Variants in GRM5 observed in about 807,000 individuals in gnomAD.
The protein encoded by GRM5 is metabotropic glutamate receptor 5.
GRM5 carries 19 observed loss-of-function variants against 83.1 expected under a neutral mutation model. The observed-to-expected ratio is 0.23, with a 90% confidence interval of 0.16 to 0.34. The LOEUF is 0.34. GRM5 is among the 10% of genes least tolerant of loss of function. The probability of loss-of-function intolerance (pLI) is 1.00; values close to 1 mark genes in which losing one functional copy is unlikely to be tolerated. For synonymous variants in GRM5, 675 were observed against 633.6 expected (o/e 1.07, Z -0.98); for missense variants, 1,160 against 1,588.3 (o/e 0.73, Z 4.58).
intron 4 of GRM5, among the ~76,000 whole-genome samples, chr11:88,634,944 TG>T (rs1487448094): frequency 1.3e-5 from 2 of 152,318 alleles, no homozygotes; most frequent in East Asian, 3.9e-4. Context: ...TTGTTGTATA[TG>T]TGGACCATCG....
chr11:88,837,191 A>G (rs1318016421), intron 3 of GRM5, among the ~76,000 whole-genome samples: 1 of 152,218 alleles, frequency 6.6e-6, no homozygotes, highest in Non-Finnish European at 1.5e-5. Context: ...AAATAGAGAA[A>G]AACATATTAT....
At chr11:88,525,013 C>T (rs745876245) in intron 9 of GRM5, among the ~76,000 whole-genome samples, 6 of 152,122 alleles carry the variant, frequency 3.9e-5, no homozygotes, top group Non-Finnish European at 7.4e-5. Context: ...ACTCCAGAAC[C>T]GTTTGACCAA....
intron 2 of GRM5, among the ~76,000 whole-genome samples, chr11:89,037,438 A>T (rs1375807526): frequency 2.0e-5 from 3 of 152,024 alleles, no homozygotes; most frequent in Non-Finnish European, 4.4e-5. Flanking sequence ...ATAATTGTTC[A>T]ATGAGTAACC....
chr11:88,508,614 G>T lies in GRM5; in HGVS notation c.3617C>A (p.Thr1206Asn), dbSNP rs200293788. ...CATTCACAACGACGAGGAGCTCTGA[G>T]TGTAATCTCTTATGATAAGAGTGTC... ...KYDTLIIRDYTQSSSSL is the reference protein window; with the variant it reads ...KYDTLIIRDYNQSSSSL Residue 1206 changes from threonine to asparagine, a missense_variant, in exon 10 of 10, where the codon ACT (threonine) becomes AAT (asparagine). Physicochemically the swap from Thr to Asn is moderately conservative, Grantham distance 65. Transcript: ENST00000305447. This position sits in a 1 kb window ranked among gnomAD's most constrained non-coding sequence, Gnocchi z 4.2. 4.3e-6 allele frequency: 7 copies of T among 1,609,458 alleles called. No homozygotes were observed. The highest frequency in any genetic ancestry group is 5.9e-6 in the Non-Finnish European group (7 of 1,177,952).
rs73541423 is a variant in GRM5 at position 88,821,286 on chromosome 11, T to C, written c.911+28620A>G. On this transcript the variant is annotated intron_variant, in intron 3 of 9. Coordinates refer to ENST00000305447, the MANE Select transcript of GRM5 (RefSeq NM_001143831.3). ...GGCCTCCTGTTTTCTATTAAAAGGG[T>C]TGATCGTAACTCCCTTATTTTTTGT... Among the ~76,000 whole-genome samples the C allele has an allele frequency of 5.0e-3, 756 of 149,706 alleles. 13 individuals are homozygous for C. The highest frequency in any genetic ancestry group is 0.018 in the African/African-American group (732 of 40,620).
chr11:88,892,475 T>C (rs1945162174), intron 2 of GRM5, among the ~76,000 whole-genome samples: 2 of 152,040 alleles, frequency 1.3e-5, no homozygotes, highest in Non-Finnish European at 2.9e-5. Context: ...TGAGATTCCT[T>C]ATGGAACAGA....
intron 2 of GRM5, among the ~76,000 whole-genome samples, chr11:88,970,238 C>T (rs1591007087): frequency 6.6e-6 from 1 of 152,022 alleles, no homozygotes; most frequent in Non-Finnish European, 1.5e-5. Context: ...TAAATGGATG[C>T]TTTTTTCTCA....
At chr11:88,813,553 C>A (rs1943620448) in intron 3 of GRM5, among the ~76,000 whole-genome samples, 1 of 152,122 alleles carries the variant, frequency 6.6e-6, no homozygotes, top group South Asian at 2.1e-4. Flanking sequence ...GGAATGACTT[C>A]TAGTTTTCCC....
chr11:88,695,464 T>C (rs191335648), intron 3 of GRM5, among the ~76,000 whole-genome samples: 1 of 152,342 alleles, frequency 6.6e-6, no homozygotes, highest in Admixed American at 6.5e-5. Flanking sequence ...ACTTACTGCT[T>C]TGAATGGCCT....
intron 2 of GRM5, among the ~76,000 whole-genome samples, chr11:88,962,259 G>T (rs905208039): frequency 9.2e-5 from 14 of 151,972 alleles, no homozygotes; most frequent in Non-Finnish European, 2.1e-4. Flanking sequence ...TAATAATTTA[G>T]CCATCCACCC....
At chr11:88,558,799 C>CAAAAAAAAA (rs71265014) in intron 8 of GRM5, among the ~76,000 whole-genome samples, 2 of 21,918 alleles carry the variant, frequency 9.1e-5, no homozygotes, top group Non-Finnish European at 2.0e-4. Flanking sequence ...GACTCCATCT[C>CAAAAAAAAA]AAAAAAAAAA....
intron 9 of GRM5, among the ~76,000 whole-genome samples, chr11:88,511,230 C>T (rs1269756080): frequency 6.6e-6 from 1 of 152,178 alleles, no homozygotes; most frequent in African/African-American, 2.4e-5. Flanking sequence ...AAATCCCCAT[C>T]ACTCCCCTTG....
intron 3 of GRM5, among the ~76,000 whole-genome samples, chr11:88,818,143 TA>T (rs1198928557): frequency 6.6e-6 from 1 of 151,830 alleles, no homozygotes; most frequent in Non-Finnish European, 1.5e-5. Context: ...AAAGAAAAAA[TA>T]AAAATGAATG....
In GRM5 at chr11:88,570,458, C is replaced by T. The variant is rs376821436; in HGVS notation, c.1691-2466G>A. On this transcript the variant is annotated intron_variant, in intron 7 of 9. Transcript: ENST00000305447. Reference sequence around the variant, plus strand: ...ATGTGCTTCCTATATAGTTGGAATTCAACCTCTGATACTTTAGTATGCCAT... The same window carrying T: ...ATGTGCTTCCTATATAGTTGGAATTTAACCTCTGATACTTTAGTATGCCAT... 1.4e-4 allele frequency among the ~76,000 whole-genome samples: 21 copies of T among 147,762 alleles called. No homozygotes were observed. In the East Asian group the frequency reaches 3.9e-3, roughly 28 times the overall value.
intron 2 of GRM5, among the ~76,000 whole-genome samples, chr11:88,855,137 C>A (rs1046741704): frequency 6.6e-6 from 1 of 151,734 alleles, no homozygotes; most frequent in African/African-American, 2.4e-5. Context: ...AGTAAAGATA[C>A]AAGTAATTTT....
chr11:88,837,800 G>A (rs1242200641), intron 3 of GRM5, among the ~76,000 whole-genome samples: 2 of 152,012 alleles, frequency 1.3e-5, no homozygotes, highest in Non-Finnish European at 2.9e-5. Flanking sequence ...CATAAGTTAC[G>A]TCGGCCGGGC....
intron 7 of GRM5, among the ~76,000 whole-genome samples, chr11:88,581,697 T>G (rs753086436): frequency 6.6e-6 from 1 of 152,200 alleles, no homozygotes; most frequent in Non-Finnish European, 1.5e-5. Context: ...AAAGTCACTT[T>G]CTTTTACAGC....
chr11:88,991,944 T>C (rs1939991694), intron 2 of GRM5, among the ~76,000 whole-genome samples: 1 of 152,180 alleles, frequency 6.6e-6, no homozygotes, highest in Admixed American at 6.5e-5. Context: ...ATTCAGGACA[T>C]AGGCATGGGC....
chr11:88,795,937 C>G (rs1008457990), intron 3 of GRM5, among the ~76,000 whole-genome samples: 2 of 152,116 alleles, frequency 1.3e-5, no homozygotes, highest in African/African-American at 4.8e-5. Context: ...AGCTAATCAT[C>G]TGGATTGTTA....
Sources: gnomAD v4.1 joint callset for allele counts (sites outside exome capture counted in the v4.1 genomes callset) on GRCh38, gnomAD v4.1.1 for gene constraint, Gnocchi (gnomAD v3.1) non-coding constraint, MANE v1.5 for transcripts, NCBI Gene and HGNC (gene_info 2026-07-23, HGNC 2026-07-21) for gene names.